The following VSNL1 variants were observed in gnomAD, a reference collection of about 807,000 sequenced individuals.
VSNL1 encodes visinin-like protein 1.
VSNL1 carries 6 observed loss-of-function variants against 20.4 expected under a neutral mutation model. The observed-to-expected ratio is 0.29, with a 90% CI of 0.16 to 0.58. VSNL1 has a LOEUF of 0.58. Among genes scored for constraint, VSNL1 ranks in the 20% least tolerant of loss-of-function variants. VSNL1 has a pLI of 0.90. For missense variants in VSNL1, 100 were observed against 234.5 expected, an observed-to-expected ratio of 0.43 and a Z score of 3.75; for synonymous variants, 93 against 86.4, an observed-to-expected ratio of 1.08 and a Z score of -0.42.
chr2:17,571,311 G>A (rs976766204), intron 1 of VSNL1, among the ~76,000 whole-genome samples: 1 of 152,078 alleles, frequency 6.6e-6, no homozygotes, highest in Non-Finnish European at 1.5e-5. Context: ...AAACAACATT[G>A]TAGCCTTTAA....
At chr2:17,600,112 A>G (rs1293500225) in intron 2 of VSNL1, among the ~76,000 whole-genome samples, 3 of 152,350 alleles carry the variant, frequency 2.0e-5, no homozygotes, top group South Asian at 2.1e-4. Context: ...ACCTGAATAC[A>G]GGTAAATGCA....
chr2:17,647,563 C>T lies in VSNL1; in HGVS notation c.163-1847C>T, dbSNP rs138043310. 5.6e-3 allele frequency among the ~76,000 whole-genome samples: 850 copies of T among 152,308 alleles called. 8 individuals are homozygous for T. The highest frequency in any genetic ancestry group is 0.019 in the African/African-American group (798 of 41,556). On this transcript the variant is annotated intron_variant, in intron 2 of 3. Coordinates refer to ENST00000295156, the MANE Select transcript of VSNL1 (RefSeq NM_003385.5). ...AGATTCAACATTGTTTAGTTCAAAA[C>T]TCAGCGCCTGGCAGCCTGTCCTCAG...
At chr2:17,643,356 G>A (rs1261982378) in intron 2 of VSNL1, among the ~76,000 whole-genome samples, 1 of 152,192 alleles carries the variant, frequency 6.6e-6, no homozygotes, top group African/African-American at 2.4e-5. Flanking sequence ...ATCTCCTCAT[G>A]AGTCATCTGC....
At chr2:17,577,121 A>C (rs889362238) in intron 1 of VSNL1, among the ~76,000 whole-genome samples, 1 of 152,244 alleles carries the variant, frequency 6.6e-6, no homozygotes, top group African/African-American at 2.4e-5. Context: ...ATTTAAATAT[A>C]TCTAAACATG....
At chr2:17,622,544 GAAAGAAAGAAAGAAA>G (rs1558303601) in intron 2 of VSNL1, among the ~76,000 whole-genome samples, 17 of 58,064 alleles carry the variant, frequency 2.9e-4, no homozygotes, top group Non-Finnish European at 3.7e-4. Flanking sequence ...AAGAAAGAAA[GAAAGAAAGAAAGAAA>G]GAAAGAAAGA....
chr2:17,567,748 AT>A (rs1373891487), intron 1 of VSNL1: 1 of 152,034 alleles, frequency 6.6e-6, no homozygotes, highest in Non-Finnish European at 1.5e-5. Flanking sequence ...GTCTTAATTT[AT>A]TGAGAGTTTT....
chr2:17,606,227 T>C (rs1664941229), intron 2 of VSNL1, among the ~76,000 whole-genome samples: 1 of 152,182 alleles, frequency 6.6e-6, no homozygotes, highest in African/African-American at 2.4e-5. Flanking sequence ...TTTCCTATAG[T>C]CTTCAGATTT....
intron 2 of VSNL1, among the ~76,000 whole-genome samples, chr2:17,615,163 G>A (rs1032519794): frequency 6.6e-6 from 1 of 151,996 alleles, no homozygotes; most frequent in African/African-American, 2.4e-5. Flanking sequence ...AGAAAGATGT[G>A]CAGAATAATC....
intron 2 of VSNL1, among the ~76,000 whole-genome samples, chr2:17,633,750 C>T (rs547476371): frequency 2.9e-4 from 44 of 152,076 alleles, no homozygotes; most frequent in African/African-American, 9.2e-4. Flanking sequence ...CCCTGTGCAT[C>T]GATACAGGGT....
chr2:17,635,338 G>A (rs576249197), intron 2 of VSNL1, among the ~76,000 whole-genome samples: 3 of 152,250 alleles, frequency 2.0e-5, no homozygotes, highest in African/African-American at 7.2e-5. Flanking sequence ...CTGCAGGGAT[G>A]GCTGATGACA....
chr2:17,621,199 GTTTC>G (rs1665346810), intron 2 of VSNL1, among the ~76,000 whole-genome samples: 1 of 151,914 alleles, frequency 6.6e-6, no homozygotes, highest in Non-Finnish European at 1.5e-5. Context: ...AAAATCAACA[GTTTC>G]TTCCTTCCTT....
At chr2:17,614,422 T>C (rs1665167970) in intron 2 of VSNL1, among the ~76,000 whole-genome samples, 1 of 152,224 alleles carries the variant, frequency 6.6e-6, no homozygotes. Flanking sequence ...GTTTTGCCAG[T>C]TGTCATTTTC....
intron 1 of VSNL1, among the ~76,000 whole-genome samples, chr2:17,550,135 T>C (rs1240552133): frequency 6.6e-6 from 1 of 152,218 alleles, no homozygotes; most frequent in East Asian, 1.9e-4. Flanking sequence ...ATTGTTCATA[T>C]CATTCAACTT....
chr2:17,640,270 G>A (rs75667632), intron 2 of VSNL1, among the ~76,000 whole-genome samples: 1,645 of 138,504 alleles, frequency 0.012, 16 homozygotes, highest in East Asian at 0.028. Flanking sequence ...AAAAAAAAAA[G>A]AAAGAAAAGA....
intron 2 of VSNL1, among the ~76,000 whole-genome samples, chr2:17,636,770 C>A (rs937084855): frequency 6.6e-6 from 1 of 151,818 alleles, no homozygotes; most frequent in East Asian, 1.9e-4. Context: ...AATTCCAATT[C>A]CTTATGTGAT....
chr2:17,609,215 C>G (rs1316007698), intron 2 of VSNL1, among the ~76,000 whole-genome samples: 1 of 152,094 alleles, frequency 6.6e-6, no homozygotes, highest in East Asian at 1.9e-4. Context: ...TGATTCATGA[C>G]CTTACCTGGC....
At chr2:17,598,632 C>T (rs1009202679) in intron 2 of VSNL1, among the ~76,000 whole-genome samples, 3 of 152,186 alleles carry the variant, frequency 2.0e-5, no homozygotes, top group Non-Finnish European at 2.9e-5. Context: ...GAGTTCTGCC[C>T]ACACTGAAGT....
intron 2 of VSNL1, among the ~76,000 whole-genome samples, chr2:17,606,303 A>G (rs1453377127): frequency 7.1e-6 from 1 of 139,926 alleles, no homozygotes; most frequent in African/African-American, 2.4e-5. Flanking sequence ...AGAGAAGTGA[A>G]GAGTCGGGGG....
intron 3 of VSNL1, among the ~76,000 whole-genome samples, chr2:17,654,383 T>A (rs936384993): frequency 6.6e-6 from 1 of 152,230 alleles, no homozygotes; most frequent in Admixed American, 6.5e-5. Flanking sequence ...TCAATTTTAA[T>A]GGTACAACTG....
Sources: allele counts gnomAD v4.1 joint callset (sites outside exome capture counted in the v4.1 genomes callset), GRCh38; gene constraint gnomAD v4.1.1; transcripts MANE v1.5; gene names NCBI Gene and HGNC (gene_info 2026-07-23, HGNC 2026-07-21).